The following ETS1 variants were observed in gnomAD, a reference collection of about 807,000 sequenced individuals.
ETS1 encodes ETS proto-oncogene 1, transcription factor.
Under a neutral mutation model 58.6 loss-of-function variants are expected in ETS1, and 15 were observed. The ratio of observed to expected loss-of-function variants is 0.26; its 90% CI spans 0.17 to 0.39. The LOEUF is 0.39. Ranked by LOEUF, ETS1 falls within the 10% of genes least tolerant of loss-of-function variation. The probability of loss-of-function intolerance (pLI) is 1.00; values close to 1 mark genes in which losing one functional copy is unlikely to be tolerated. For synonymous variants in ETS1, 214 were observed against 218.2 expected, an observed-to-expected ratio of 0.98 and a Z score of 0.17; for missense variants, 417 against 610.5, an observed-to-expected ratio of 0.68 and a Z score of 3.34.
chr11:128,545,639 T>C (rs1056495469), intron 3 of ETS1, among the ~76,000 whole-genome samples: 1 of 152,248 alleles, frequency 6.6e-6, no homozygotes, highest in African/African-American at 2.4e-5. Flanking sequence ...GAACAGGCCT[T>C]CTTTTGGACT....
intron 3 of ETS1, among the ~76,000 whole-genome samples, chr11:128,524,312 G>C: frequency 6.6e-6 from 1 of 152,146 alleles, no homozygotes; most frequent in African/African-American, 2.4e-5. Flanking sequence ...TCCTAATCCA[G>C]TCCTGAAGCA....
intron 5 of ETS1, 56 bp downstream of exon 5, chr11:128,489,234 C>G (rs1235614055): frequency 1.0e-5 from 15 of 1,497,584 alleles, no homozygotes; most frequent in Non-Finnish European, 1.4e-5. Flanking sequence ...AGCCCCCTAC[C>G]TACTCTCACA....
chr11:128,504,715 T>C (rs1358863067), intron 3 of ETS1, among the ~76,000 whole-genome samples: 1 of 152,186 alleles, frequency 6.6e-6, no homozygotes, highest in Non-Finnish European at 1.5e-5. Flanking sequence ...CTCTACATCA[T>C]TGCTGTTTAC....
At chr11:128,579,684 G>C (rs910786246) in intron 1 of ETS1, among the ~76,000 whole-genome samples, 2 of 149,588 alleles carry the variant, frequency 1.3e-5, no homozygotes, top group African/African-American at 4.9e-5. Context: ...AAAAGAATTT[G>C]GTGTCCAAAA....
intron 3 of ETS1, among the ~76,000 whole-genome samples, chr11:128,509,960 G>A (rs1263278014): frequency 6.6e-6 from 1 of 152,164 alleles, no homozygotes; most frequent in Non-Finnish European, 1.5e-5. Flanking sequence ...ACACATAGTA[G>A]GTACTCTCTG....
chr11:128,471,543 C>T (rs1862187561), intron 8 of ETS1, among the ~76,000 whole-genome samples: 2 of 152,204 alleles, frequency 1.3e-5, no homozygotes, highest in African/African-American at 4.8e-5. Context: ...CACTCAGACA[C>T]AAACTTGGAC....
Position 128,485,089 on chromosome 11 carries a change from G to A in ETS1, c.614-18C>T, listed in dbSNP as rs1050447516. The A allele has an allele frequency of 3.1e-6, 5 of 1,603,782 alleles. No homozygotes were observed. The African/African-American group carries it at 4.0e-5, about 13-fold the overall frequency. ...ACCATAGCCTGGAAACAAAGGGTTTGCAAGTAAAGAGAGGAGAGATTTGTA... is the reference window on the plus strand; with the variant it reads ...ACCATAGCCTGGAAACAAAGGGTTTACAAGTAAAGAGAGGAGAGATTTGTA... On this transcript the variant is annotated intron_variant, in intron 6 of 9. Coordinates refer to ENST00000392668, the MANE Select transcript of ETS1 (RefSeq NM_001143820.2).
chr11:128,568,405 C>T (rs1325664748), intron 2 of ETS1, among the ~76,000 whole-genome samples: 1 of 152,212 alleles, frequency 6.6e-6, no homozygotes. Flanking sequence ...GACTTCCAGG[C>T]TCACAGCGGG....
intron 3 of ETS1, among the ~76,000 whole-genome samples, chr11:128,513,800 C>G (rs1202503247): frequency 1.3e-5 from 2 of 152,022 alleles, no homozygotes; most frequent in African/African-American, 4.8e-5. Flanking sequence ...GCCCGTAATC[C>G]CAACATTTTA....
At chr11:128,566,592 G>T (rs1044448814) in intron 2 of ETS1, among the ~76,000 whole-genome samples, 12 of 152,186 alleles carry the variant, frequency 7.9e-5, no homozygotes, top group South Asian at 2.1e-4. Flanking sequence ...GACCATCCTG[G>T]CTAACACAGT....
intron 2 of ETS1, among the ~76,000 whole-genome samples, chr11:128,565,628 A>G (rs549296320): frequency 1.3e-5 from 2 of 152,376 alleles, no homozygotes; most frequent in East Asian, 3.9e-4. Context: ...GAAGCCCCAC[A>G]GTCCAAGATG....
intron 3 of ETS1, among the ~76,000 whole-genome samples, chr11:128,528,503 C>G (rs1472152468): frequency 6.6e-6 from 1 of 152,170 alleles, no homozygotes; most frequent in African/African-American, 2.4e-5. Flanking sequence ...CTCAAGAGCA[C>G]ACTCCTAGTA....
intron 8 of ETS1, among the ~76,000 whole-genome samples, chr11:128,475,530 G>C (rs890132332): frequency 9.3e-5 from 14 of 150,428 alleles, no homozygotes; most frequent in African/African-American, 3.2e-4. Context: ...ATCAACTTGA[G>C]AGGACCTAGA....
chr11:128,479,052 A>G (rs542226840), intron 8 of ETS1, among the ~76,000 whole-genome samples: 1 of 152,228 alleles, frequency 6.6e-6, no homozygotes, highest in African/African-American at 2.4e-5. Flanking sequence ...ATGGAATGCA[A>G]TATAAGAGAG....
chr11:128,546,143 C>T lies in ETS1; in HGVS notation c.214+10148G>A, dbSNP rs1864129638. Among the ~76,000 whole-genome samples, 4 of 152,160 alleles carry T rather than the reference C, an allele frequency of 2.6e-5. No individual in the cohort carries two copies. The South Asian group carries it at 6.2e-4, about 24-fold the overall frequency. On this transcript the variant is annotated intron_variant, in intron 3 of 9. Transcript: ENST00000392668. ...CAAAGATGAAAATGCTAAGACATTGCTGGGAAGTTCAAAGTAGTTGACTTG... is the reference window on the plus strand; with the variant it reads ...CAAAGATGAAAATGCTAAGACATTGTTGGGAAGTTCAAAGTAGTTGACTTG...
chr11:128,551,643 G>A (rs1311698136), intron 3 of ETS1, among the ~76,000 whole-genome samples: 7 of 152,092 alleles, frequency 4.6e-5, no homozygotes, highest in Non-Finnish European at 4.4e-5. Flanking sequence ...TGTTTTAAAG[G>A]AGAACTGAGG....
chr11:128,474,563 C>T lies in ETS1; in HGVS notation c.1123+5628G>A, dbSNP rs147876068. On this transcript the variant is annotated intron_variant, in intron 8 of 9. Coordinates refer to ENST00000392668, the MANE Select transcript of ETS1 (RefSeq NM_001143820.2). ...GCCTCCCAACCAGTTCAAATCTTCC[C>T]GGGAATTTTCCTCCTCAGTGCTCCA... Among the ~76,000 whole-genome samples, 159 of 152,248 alleles carry T rather than the reference C, an allele frequency of 1.0e-3. 5 individuals carry two copies. The East Asian group carries it at 0.03, about 29-fold the overall frequency.
chr11:128,540,167 G>C (rs2135541043), intron 3 of ETS1, among the ~76,000 whole-genome samples: 1 of 152,146 alleles, frequency 6.6e-6, no homozygotes, highest in Non-Finnish European at 1.5e-5. Flanking sequence ...CAAAACATTA[G>C]CCAGGTGTGG....
chr11:128,564,777 TTA>T lies in ETS1; in HGVS notation c.69+8283_69+8284del, dbSNP rs367968256. Reference sequence around the variant, plus strand: ...CCCAGTGGTACCATGGGTGACAGCTTTAGGCATCTTGTGGTATGGAGATGGAG... The same window carrying T: ...CCCAGTGGTACCATGGGTGACAGCTTGGCATCTTGTGGTATGGAGATGGAG... On this transcript the variant is annotated intron_variant, in intron 2 of 9. Coordinates refer to ENST00000392668, the MANE Select transcript of ETS1 (RefSeq NM_001143820.2). Among the ~76,000 whole-genome samples, 374 of 152,154 alleles carry T rather than the reference TTA, an allele frequency of 2.5e-3. 3 individuals are homozygous for T. The highest frequency in any genetic ancestry group is 6.8e-3 in the African/African-American group (282 of 41,490).
Sources: gnomAD v4.1 joint callset for allele counts (sites outside exome capture counted in the v4.1 genomes callset) on GRCh38, gnomAD v4.1.1 for gene constraint, MANE v1.5 for transcripts, NCBI Gene and HGNC (gene_info 2026-07-23, HGNC 2026-07-21) for gene names.